SNX29: variants seen among roughly 807,000 people sequenced by gnomAD.
SNX29 encodes the protein sorting nexin-29.
A neutral mutation model predicts 102.1 loss-of-function variants in SNX29; 78 were observed. That is an observed-to-expected ratio of 0.76 (90% confidence interval 0.64 to 0.92). The LOEUF (loss-of-function observed/expected upper bound fraction) is 0.92, where lower values mean the gene tolerates loss of function less well. SNX29 is among the 40% of genes least tolerant of loss of function. The pLI, the probability that SNX29 is intolerant of heterozygous loss-of-function variation, is 0.00. For synonymous variants in SNX29, 580 were observed against 414.5 expected, an observed-to-expected ratio of 1.40 and a Z score of -4.85; for missense variants, 1,280 against 1,061.7, an observed-to-expected ratio of 1.21 and a Z score of -2.86.
chr16:12,568,513 A>AC lies in SNX29; in HGVS notation c.2330dup (p.Pro778AlafsTer35). 6.2e-7 allele frequency: 1 copy of AC among 1,609,002 alleles called. No individual in the cohort carries two copies. Among genetic ancestry groups the AC allele is most frequent in the Non-Finnish European group, 8.5e-7 (1 of 1,179,726 alleles). Reference sequence around the variant, plus strand: ...CTCTCCCTGCTCTTTCAGCGACATCACCCCGCCCGGAGAGCCTGTGAACAG... The same window carrying AC: ...CTCTCCCTGCTCTTTCAGCGACATCACCCCCGCCCGGAGAGCCTGTGAACAG... On this transcript the variant is annotated frameshift_variant, in exon 21 of 21. Transcript: ENST00000566228. LOFTEE classifies it high-confidence loss of function.
intron 15 of SNX29, among the ~76,000 whole-genome samples, chr16:12,329,059 G>A (rs1458900631): frequency 6.6e-6 from 1 of 151,700 alleles, no homozygotes; most frequent in African/African-American, 2.4e-5. Flanking sequence ...ATGGCTTGAG[G>A]TCAGGAGTTC....
intron 15 of SNX29, among the ~76,000 whole-genome samples, chr16:12,327,959 C>T (rs2081171567): frequency 6.6e-6 from 1 of 152,160 alleles, no homozygotes; most frequent in Non-Finnish European, 1.5e-5. Flanking sequence ...TGGAGTTGAA[C>T]CCCACCCGGA....
At chr16:12,044,112 G>A (rs1596677388) in intron 5 of SNX29, among the ~76,000 whole-genome samples, 2 of 152,312 alleles carry the variant, frequency 1.3e-5, no homozygotes. Flanking sequence ...GTGTCCTTGA[G>A]TGATACGGAG....
intron 18 of SNX29, among the ~76,000 whole-genome samples, chr16:12,440,296 A>G (rs919085740): frequency 1.3e-5 from 2 of 152,152 alleles, no homozygotes; most frequent in Admixed American, 6.5e-5. Flanking sequence ...TAGGATATTC[A>G]CAAGATTACG....
At chr16:12,057,901 C>T (rs2151248126) in intron 8 of SNX29, among the ~76,000 whole-genome samples, 1 of 151,316 alleles carries the variant, frequency 6.6e-6, no homozygotes, top group Non-Finnish European at 1.5e-5. Flanking sequence ...CACTGCAATC[C>T]CTGCCTCCTG....
intron 16 of SNX29, among the ~76,000 whole-genome samples, chr16:12,386,084 C>G (rs117466070): frequency 6.6e-6 from 1 of 152,218 alleles, no homozygotes; most frequent in East Asian, 1.9e-4. Flanking sequence ...TGGCTGCACA[C>G]GGAGACTCCA....
chr16:12,159,017 A>G (rs930354195), intron 13 of SNX29, among the ~76,000 whole-genome samples: 4 of 152,236 alleles, frequency 2.6e-5, no homozygotes, highest in Admixed American at 6.5e-5. Flanking sequence ...TTAGTTTTAG[A>G]TGAGCCCTTC....
chr16:12,003,144 C>T (rs1596564531), intron 3 of SNX29, 101 bp downstream of exon 3: 1 of 1,448,818 alleles, frequency 6.9e-7, no homozygotes, highest in Non-Finnish European at 9.7e-7. Flanking sequence ...GGAAAGGCGG[C>T]AGAAGGCGGC....
intron 20 of SNX29, among the ~76,000 whole-genome samples, chr16:12,550,371 C>T (rs2077894196): frequency 6.6e-6 from 1 of 152,064 alleles, no homozygotes; most frequent in Non-Finnish European, 1.5e-5. Flanking sequence ...CCCATCTCTA[C>T]TAAAAATCCA....
chr16:12,254,087 G>T (rs528006372), intron 14 of SNX29, among the ~76,000 whole-genome samples: 1 of 152,324 alleles, frequency 6.6e-6, no homozygotes, highest in Admixed American at 6.5e-5. Flanking sequence ...TAACCAGGAT[G>T]GGGATGGCTT....
chr16:12,256,128 T>A (rs1292476120), intron 14 of SNX29, among the ~76,000 whole-genome samples: 2 of 152,226 alleles, frequency 1.3e-5, no homozygotes, highest in Non-Finnish European at 2.9e-5. Flanking sequence ...TGATTGGTAA[T>A]GTTGAGCAGC....
chr16:12,259,362 G>C (rs966253483), intron 14 of SNX29, among the ~76,000 whole-genome samples: 4 of 152,206 alleles, frequency 2.6e-5, no homozygotes, highest in African/African-American at 9.6e-5. Context: ...GGCTGTGCTG[G>C]CTTGGTGTAG....
chr16:12,262,556 G>A (rs1473230900), intron 14 of SNX29, among the ~76,000 whole-genome samples: 2 of 152,230 alleles, frequency 1.3e-5, no homozygotes, highest in Non-Finnish European at 2.9e-5. Context: ...AACGGGGCTG[G>A]TCTGTGTACA....
chr16:12,484,787 C>T (rs537547215), intron 19 of SNX29, among the ~76,000 whole-genome samples: 1 of 152,328 alleles, frequency 6.6e-6, no homozygotes, highest in African/African-American at 2.4e-5. Flanking sequence ...CTCTGCTGCC[C>T]TCAGTCACTC....
intron 13 of SNX29, among the ~76,000 whole-genome samples, chr16:12,197,233 G>T (rs188895212): frequency 1.3e-5 from 2 of 152,236 alleles, no homozygotes; most frequent in Non-Finnish European, 2.9e-5. Context: ...TTGGGAGTAG[G>T]CTGGGCTGGG....
intron 3 of SNX29, among the ~76,000 whole-genome samples, chr16:12,013,820 G>A (rs1354365365): frequency 7.6e-6 from 1 of 131,002 alleles, no homozygotes; most frequent in African/African-American, 2.7e-5. Context: ...AATTTTTTTT[G>A]TTTTGTATTT....
At chr16:12,524,500 C>G (rs1486343881) in intron 19 of SNX29, among the ~76,000 whole-genome samples, 2 of 151,050 alleles carry the variant, frequency 1.3e-5, no homozygotes, top group Non-Finnish European at 1.5e-5. Flanking sequence ...TTTTCCTCCA[C>G]TTAATAATAA....
At chr16:12,311,372 G>C (rs536475095) in intron 15 of SNX29, among the ~76,000 whole-genome samples, 2 of 152,314 alleles carry the variant, frequency 1.3e-5, no homozygotes, top group African/African-American at 4.8e-5. Flanking sequence ...TTGCACCCCT[G>C]TCCAGGTGTT....
intron 20 of SNX29, among the ~76,000 whole-genome samples, chr16:12,547,019 C>A (rs1209270133): frequency 6.6e-6 from 1 of 151,428 alleles, no homozygotes; most frequent in Admixed American, 6.6e-5. Flanking sequence ...GATAGTTCAA[C>A]AGCAGATAAA....
Sources: gnomAD v4.1 joint callset for allele counts (sites outside exome capture counted in the v4.1 genomes callset) on GRCh38, gnomAD v4.1.1 for gene constraint, MANE v1.5 for transcripts, NCBI Gene and HGNC (gene_info 2026-07-23, HGNC 2026-07-21) for gene names.